ADAM22: variants seen among roughly 807,000 people sequenced by gnomAD.
ADAM22 encodes the protein ADAM metallopeptidase domain 22.
Under a neutral mutation model 144.6 loss-of-function variants are expected in ADAM22, and 65 were observed. The ratio of observed to expected loss-of-function variants is 0.45; its 90% CI spans 0.37 to 0.55. The LOEUF is 0.55. Among genes scored for constraint, ADAM22 ranks in the 20% least tolerant of loss-of-function variants. The probability of loss-of-function intolerance (pLI) is 0.00; values close to 1 mark genes in which losing one functional copy is unlikely to be tolerated. For synonymous variants in ADAM22, 391 were observed against 412.6 expected, an observed-to-expected ratio of 0.95 and a Z score of 0.63; for missense variants, 974 against 1,184.9, an observed-to-expected ratio of 0.82 and a Z score of 2.61.
At chr7:88,182,126 C>T (rs1329151014) in intron 29 of ADAM22, 102 bp downstream of exon 29, 8 of 1,062,030 alleles carry the variant, frequency 7.5e-6, no homozygotes, top group East Asian at 2.5e-5. Flanking sequence ...ACCATGTCTC[C>T]GGTCTTGGTT....
intron 4 of ADAM22, 144 bp downstream of exon 4, chr7:88,075,836 C>G: frequency 1.4e-6 from 1 of 698,432 alleles, no homozygotes; most frequent in South Asian, 2.0e-5. Flanking sequence ...TTATCACCCA[C>G]TTTGGAAAAA....
chr7:87,942,520 C>G (rs767821360), intron 2 of ADAM22, among the ~76,000 whole-genome samples: 21 of 152,150 alleles, frequency 1.4e-4, no homozygotes, highest in Non-Finnish European at 2.6e-4. Flanking sequence ...TTGCTGGAGT[C>G]AGATTTCTTA....
chr7:87,955,518 G>A (rs779944916), intron 2 of ADAM22, among the ~76,000 whole-genome samples: 5 of 152,154 alleles, frequency 3.3e-5, no homozygotes, highest in Non-Finnish European at 7.3e-5. Flanking sequence ...GGAGTACCCG[G>A]CCGTGTGAGG....
chr7:88,045,052 T>C (rs1288377901), intron 3 of ADAM22, among the ~76,000 whole-genome samples: 2 of 150,500 alleles, frequency 1.3e-5, no homozygotes, highest in African/African-American at 4.9e-5. Context: ...ACTCTCGCTC[T>C]TGTTGCCCAG....
chr7:88,128,099 A>G (rs1388544186), intron 8 of ADAM22, among the ~76,000 whole-genome samples: 2 of 152,000 alleles, frequency 1.3e-5, no homozygotes, highest in African/African-American at 4.8e-5. Flanking sequence ...AGATTAAATA[A>G]TAAAAGTGCC....
chr7:87,964,597 G>A (rs566308850), intron 2 of ADAM22: 8 of 407,512 alleles, frequency 2.0e-5, no homozygotes, highest in Non-Finnish European at 3.3e-5. Context: ...TTATTAGAAC[G>A]TGTTTGAAAA....
rs189576702 is a variant in ADAM22 at position 88,010,283 on chromosome 7, G to A, written c.323+31871G>A. 2.0e-5 allele frequency among the ~76,000 whole-genome samples: 3 copies of A among 152,222 alleles called. No homozygotes were observed. In the East Asian group the frequency reaches 5.8e-4, roughly 29 times the overall value. Reference sequence around the variant, plus strand: ...TTATCACAGGTTTTTCATCTGAAATGGTTGTTTATGAATTTGCTTTAAGAC... The same window carrying A: ...TTATCACAGGTTTTTCATCTGAAATAGTTGTTTATGAATTTGCTTTAAGAC... On this transcript the variant is annotated intron_variant, in intron 3 of 31. Coordinates refer to ENST00000413139, the MANE Select transcript of ADAM22 (RefSeq NM_001324418.2).
intron 2 of ADAM22, among the ~76,000 whole-genome samples, chr7:87,977,695 G>A (rs1452444230): frequency 6.6e-6 from 1 of 151,888 alleles, no homozygotes; most frequent in Non-Finnish European, 1.5e-5. Flanking sequence ...AGTCCCTTGT[G>A]GTTTTCTCTG....
intron 2 of ADAM22, among the ~76,000 whole-genome samples, chr7:87,942,414 A>G (rs1471453267): frequency 2.6e-5 from 4 of 152,136 alleles, no homozygotes; most frequent in Non-Finnish European, 5.9e-5. Context: ...GAACCTAGGC[A>G]CTTCAGCTCC....
At chr7:88,121,108 T>C (rs193125865) in intron 7 of ADAM22, among the ~76,000 whole-genome samples, 1 of 152,306 alleles carries the variant, frequency 6.6e-6, no homozygotes, top group Non-Finnish European at 1.5e-5. Context: ...TCTTATTTTA[T>C]TTGGCTACCC....
chr7:88,094,374 C>T (rs1820708480), intron 4 of ADAM22, among the ~76,000 whole-genome samples: 1 of 152,142 alleles, frequency 6.6e-6, no homozygotes, highest in Non-Finnish European at 1.5e-5. Flanking sequence ...GTAGTCAAAT[C>T]AGCATGTGCA....
At chr7:88,079,234 A>T (rs191125109) in intron 4 of ADAM22, among the ~76,000 whole-genome samples, 1,922 of 152,254 alleles carry the variant, frequency 0.013, 24 homozygotes, top group Non-Finnish European at 0.017. Flanking sequence ...GAATTTCATA[A>T]CCAGCCAAAC....
chr7:88,051,535 A>T (rs2129474263), intron 3 of ADAM22, among the ~76,000 whole-genome samples: 1 of 151,536 alleles, frequency 6.6e-6, no homozygotes, highest in South Asian at 2.1e-4. Flanking sequence ...GGAACACCAC[A>T]CACCGGGGCC....
chr7:88,024,553 CT>C (rs112086702), intron 3 of ADAM22, among the ~76,000 whole-genome samples: 2 of 151,734 alleles, frequency 1.3e-5, no homozygotes, highest in African/African-American at 4.8e-5. Context: ...ATTTTTCTTT[CT>C]TTTTTTTAAA....
chr7:88,053,147 TACACAGAC>T (rs765314378), intron 3 of ADAM22, among the ~76,000 whole-genome samples: 6 of 152,138 alleles, frequency 3.9e-5, no homozygotes, highest in East Asian at 1.9e-4. Flanking sequence ...TATGTGAATA[TACACAGAC>T]ACACAGACAC....
intron 2 of ADAM22, among the ~76,000 whole-genome samples, chr7:87,977,473 A>G (rs1852168757): frequency 6.6e-6 from 1 of 152,206 alleles, no homozygotes; most frequent in African/African-American, 2.4e-5. Flanking sequence ...GTGATTATAC[A>G]TATTGATTTT....
chr7:88,020,296 C>A (rs147685561), intron 3 of ADAM22, among the ~76,000 whole-genome samples: 62 of 152,288 alleles, frequency 4.1e-4, no homozygotes, highest in African/African-American at 1.4e-3. Context: ...GCCAGAACCA[C>A]CATCTCTTTC....
chr7:87,987,731 T>C (rs1043128927), intron 3 of ADAM22, among the ~76,000 whole-genome samples: 3 of 152,186 alleles, frequency 2.0e-5, no homozygotes, highest in African/African-American at 7.2e-5. Context: ...TAGAGTGAGG[T>C]ATAAGGTGCG....
chr7:88,061,207 C>T (rs571604118), intron 3 of ADAM22, among the ~76,000 whole-genome samples: 27 of 152,270 alleles, frequency 1.8e-4, no homozygotes, highest in Non-Finnish European at 2.8e-4. Flanking sequence ...GCTATTTCTA[C>T]GACATCTGCA....
Sources: allele counts gnomAD v4.1 joint callset (sites outside exome capture counted in the v4.1 genomes callset), GRCh38; gene constraint gnomAD v4.1.1; transcripts MANE v1.5; gene names NCBI Gene and HGNC (gene_info 2026-07-23, HGNC 2026-07-21).